The following EAF2 variants were observed in gnomAD, a reference collection of about 807,000 sequenced individuals.
EAF2 encodes ELL-associated factor 2.
A neutral mutation model predicts 29.4 loss-of-function variants in EAF2; 29 were observed. That is an observed-to-expected ratio of 0.99 (90% CI 0.73 to 1.35). The LOEUF is 1.35. EAF2 is among the 40% of genes most tolerant of loss of function. The probability of loss-of-function intolerance (pLI) is 0.00; values close to 1 mark genes in which losing one functional copy is unlikely to be tolerated. For synonymous variants in EAF2, 103 were observed against 102.5 expected (o/e 1.00, Z -0.03); for missense variants, 292 against 312.0 (o/e 0.94, Z 0.48).
chr3:121,869,635 C>T (rs1004625300), intron 4 of EAF2, among the ~76,000 whole-genome samples: 4 of 151,832 alleles, frequency 2.6e-5, no homozygotes, highest in East Asian at 1.9e-4. Flanking sequence ...CCAACACTTT[C>T]GGAGGCCAAG....
chr3:121,880,458 GTGTGT>G (rs1559831383), intron 5 of EAF2, among the ~76,000 whole-genome samples: 3,180 of 18,510 alleles, frequency 0.17, 55 homozygotes, highest in African/African-American at 0.18. Context: ...GTTTTGGGGT[GTGTGT>G]GTGTGTGTGT....
intron 1 of EAF2, chr3:121,836,826 G>T: frequency 1.0e-6 from 1 of 974,644 alleles, no homozygotes; most frequent in Non-Finnish European, 1.2e-6. Flanking sequence ...AATTTTTCAA[G>T]TTACAAGGGC....
chr3:121,851,354 T>C (rs1001104687), intron 2 of EAF2, among the ~76,000 whole-genome samples: 1 of 151,776 alleles, frequency 6.6e-6, no homozygotes, highest in Admixed American at 6.6e-5. Flanking sequence ...ATTTTTAGTT[T>C]TTTTTTTGTG....
chr3:121,885,990 AT>A (rs1161899759), intron 5 of EAF2, among the ~76,000 whole-genome samples: 2 of 152,134 alleles, frequency 1.3e-5, no homozygotes, highest in Non-Finnish European at 2.9e-5. Flanking sequence ...TAAAAAAAAA[AT>A]AACATTTTTT....
intron 3 of EAF2, among the ~76,000 whole-genome samples, chr3:121,856,255 A>C (rs183478611): frequency 1.3e-5 from 2 of 151,882 alleles, no homozygotes; most frequent in African/African-American, 4.8e-5. Flanking sequence ...CCTGTTATAC[A>C]CTTATATTTT....
intron 1 of EAF2, among the ~76,000 whole-genome samples, chr3:121,842,113 G>A (rs1708445596): frequency 6.6e-6 from 1 of 152,092 alleles, no homozygotes; most frequent in African/African-American, 2.4e-5. Flanking sequence ...GAACCCGGAA[G>A]GCAGAGGTTG....
intron 2 of EAF2, 60 bp from the exon 3 acceptor site, chr3:121,854,627 G>A: frequency 2.2e-6 from 3 of 1,356,544 alleles, no homozygotes; most frequent in Non-Finnish European, 9.7e-7. Context: ...GATTTCAAAG[G>A]CCTTCCCAAG....
chr3:121,840,515 A>AAAACAAAAC (rs1708397602), intron 1 of EAF2, among the ~76,000 whole-genome samples: 1 of 97,892 alleles, frequency 1.0e-5, no homozygotes, highest in Non-Finnish European at 2.0e-5. Flanking sequence ...AAAAGAAAAA[A>AAAACAAAAC]AAAAAACGGG....
intron 1 of EAF2, among the ~76,000 whole-genome samples, chr3:121,840,522 C>CAAAAAAA (rs1708398873): frequency 1.6e-5 from 1 of 60,740 alleles, no homozygotes; most frequent in Non-Finnish European, 3.1e-5. Flanking sequence ...AAAAAAAAAA[C>CAAAAAAA]GGGCCGGGTG....
At chr3:121,852,418 C>T (rs1415667892) in intron 2 of EAF2, among the ~76,000 whole-genome samples, 1 of 152,190 alleles carries the variant, frequency 6.6e-6, no homozygotes, top group African/African-American at 2.4e-5. Flanking sequence ...CCTGACTCTC[C>T]AGCTTACCAG....
intron 3 of EAF2, among the ~76,000 whole-genome samples, 183 bp downstream of exon 3, chr3:121,855,006 C>G (rs539010075): frequency 6.6e-6 from 1 of 152,024 alleles, no homozygotes; most frequent in Non-Finnish European, 1.5e-5. Flanking sequence ...ACCACATTAC[C>G]CTGTGATATA....
chr3:121,863,300 C>G (rs1708865654), intron 4 of EAF2, among the ~76,000 whole-genome samples: 3 of 152,182 alleles, frequency 2.0e-5, no homozygotes, highest in Admixed American at 2.0e-4. Context: ...GAGGTGGAGT[C>G]TACAGATGCA....
At chr3:121,874,402 A>G (rs1398399005) in intron 5 of EAF2, among the ~76,000 whole-genome samples, 1 of 151,872 alleles carries the variant, frequency 6.6e-6, no homozygotes, top group Admixed American at 6.6e-5. Context: ...CCAAGAGAAC[A>G]TGGAGAAAAC....
At chr3:121,886,256 G>A (rs552276426) in intron 5 of EAF2, 86 bp from the exon 6 acceptor site, 207 of 777,402 alleles carry the variant, frequency 2.7e-4, no homozygotes, top group Non-Finnish European at 2.7e-4. Flanking sequence ...ACGCTTGGGG[G>A]CTATATTTTG....
chr3:121,850,457 A>T (rs1250008165), intron 2 of EAF2, among the ~76,000 whole-genome samples: 1 of 150,934 alleles, frequency 6.6e-6, no homozygotes, highest in Non-Finnish European at 1.5e-5. Flanking sequence ...TTATTTTCTT[A>T]TATGAAAACT....
chr3:121,837,080 C>T (rs1708314933), intron 1 of EAF2, among the ~76,000 whole-genome samples: 1 of 152,072 alleles, frequency 6.6e-6, no homozygotes, highest in Admixed American at 6.5e-5. Context: ...ACAATAATGA[C>T]AATAATAAAT....
At position 121,851,729 on chromosome 3, in the gene EAF2, C is replaced by T. The variant is rs572298516; in HGVS notation, c.202-2958C>T. The stretch of plus-strand genomic sequence containing the variant: ...GGAACAATACGATTAGATTTGCCTG[C>T]TCACAGAATGGGGAACAAAATTGGA... On this transcript the variant is annotated intron_variant, in intron 2 of 5. Coordinates refer to ENST00000273668, the MANE Select transcript of EAF2 (RefSeq NM_018456.6). Among the ~76,000 whole-genome samples, 11 of 150,172 alleles carry T rather than the reference C, an allele frequency of 7.3e-5. No individual in the cohort carries two copies. In the South Asian group the frequency reaches 2.4e-3, roughly 32 times the overall value.
At chr3:121,837,279 C>T (rs1489798008) in intron 1 of EAF2, 2 of 151,982 alleles carry the variant, frequency 1.3e-5, no homozygotes, top group African/African-American at 4.8e-5. Context: ...CAATGTAATC[C>T]TCACTCTTAA....
At chr3:121,872,471 A>C in intron 4 of EAF2, 66 bp from the exon 5 acceptor site, 3 of 1,247,726 alleles carry the variant, frequency 2.4e-6, no homozygotes, top group Non-Finnish European at 2.2e-6. Flanking sequence ...TAATACATTC[A>C]ATTTTTATTA....
Sources: gnomAD v4.1 joint callset for allele counts (sites outside exome capture counted in the v4.1 genomes callset) on GRCh38, gnomAD v4.1.1 for gene constraint, MANE v1.5 for transcripts, NCBI Gene and HGNC (gene_info 2026-07-23, HGNC 2026-07-21) for gene names.